CBFA2T3: variants seen among roughly 807,000 people sequenced by gnomAD.
CBFA2T3 encodes the protein transcriptional corepressor CBFA2T3.
Under a neutral mutation model 58.6 loss-of-function variants are expected in CBFA2T3, and 31 were observed. The observed-to-expected ratio is 0.53, with a 90% CI of 0.40 to 0.71. The LOEUF (loss-of-function observed/expected upper bound fraction) is 0.71, where lower values mean the gene tolerates loss of function less well. CBFA2T3 is among the 30% of genes least tolerant of loss of function. The pLI, the probability that CBFA2T3 is intolerant of heterozygous loss-of-function variation, is 0.00. For synonymous variants in CBFA2T3, 531 were observed against 421.9 expected, an observed-to-expected ratio of 1.26 and a Z score of -3.17; for missense variants, 1,076 against 963.1, an observed-to-expected ratio of 1.12 and a Z score of -1.55.
At chr16:88,975,112 G>GC (rs1555546812) in intron 1 of CBFA2T3, among the ~76,000 whole-genome samples, 5 of 46,304 alleles carry the variant, frequency 1.1e-4, no homozygotes, top group East Asian at 1.1e-3. Context: ...TGTGTTAGAG[G>GC]CCACCCTGGC....
intron 11 of CBFA2T3, among the ~76,000 whole-genome samples, chr16:88,877,910 G>A (rs560663625): frequency 6.6e-6 from 1 of 152,320 alleles, no homozygotes; most frequent in African/African-American, 2.4e-5. Flanking sequence ...CTGTGGGGTG[G>A]GAAGCCCAAA....
chr16:88,915,278 G>T (rs1163374520), intron 1 of CBFA2T3, among the ~76,000 whole-genome samples: 1 of 128,408 alleles, frequency 7.8e-6, no homozygotes, highest in Non-Finnish European at 1.7e-5. Flanking sequence ...TCGCGGGGTG[G>T]GGAAACTGGT....
At chr16:88,957,679 A>G (rs939502720) in intron 1 of CBFA2T3, 3 of 152,312 alleles carry the variant, frequency 2.0e-5, no homozygotes, top group Non-Finnish European at 4.4e-5. Flanking sequence ...GTGCACACTT[A>G]TTCAGACATA....
rs1968854421 is a variant in CBFA2T3 at position 88,876,950 on chromosome 16, G to C, written c.*26C>G. On this transcript the variant is annotated 3_prime_UTR_variant, in exon 12 of 12. Coordinates refer to ENST00000268679, the MANE Select transcript of CBFA2T3 (RefSeq NM_005187.6). ...CTGGGTGGGGTTGGCACGGTGCTGT[G>C]TCCGGCAGGCCAGGGGCCAGTGGGG... The C allele has an allele frequency of 7.1e-7, 1 of 1,407,460 alleles. No homozygotes were observed. The allele number at this position is 1,407,460 out of a possible 1,614,324, so 87.2% of individuals were successfully genotyped here.
chr16:88,949,002 G>A (rs1271399931), intron 1 of CBFA2T3, among the ~76,000 whole-genome samples: 1 of 152,194 alleles, frequency 6.6e-6, no homozygotes, highest in Non-Finnish European at 1.5e-5. Context: ...ATGGTGTCAG[G>A]ACAACTGCCC....
At chr16:88,909,983 C>T (rs536962862) in intron 1 of CBFA2T3, among the ~76,000 whole-genome samples, 4 of 152,234 alleles carry the variant, frequency 2.6e-5, no homozygotes, top group Middle Eastern at 3.4e-3. Context: ...GAGCTGTCCA[C>T]GGCGGCTCCC....
At chr16:88,929,018 G>A (rs538184130) in intron 1 of CBFA2T3, among the ~76,000 whole-genome samples, 31 of 152,318 alleles carry the variant, frequency 2.0e-4, no homozygotes, top group South Asian at 4.1e-4. Flanking sequence ...CGAGGACCTC[G>A]GCTCCGTTCC....
chr16:88,956,799 C>T (rs994894682), intron 1 of CBFA2T3, among the ~76,000 whole-genome samples: 2 of 152,240 alleles, frequency 1.3e-5, no homozygotes, highest in Non-Finnish European at 2.9e-5. Context: ...AACTGGACCG[C>T]ATGGCCCTTG....
At chr16:88,925,999 C>T (rs749988752) in intron 1 of CBFA2T3, among the ~76,000 whole-genome samples, 4 of 152,244 alleles carry the variant, frequency 2.6e-5, no homozygotes, top group Non-Finnish European at 4.4e-5. Flanking sequence ...CGAACTGGCA[C>T]CATCTCTTCT....
Position 88,879,366 on chromosome 16 carries a change from C to T in CBFA2T3, c.1566G>A (p.Thr522=), listed in dbSNP as rs746135703. ...GGGCCCGCTCCATCTTGGCACGCTC[C>T]GTGGTGATGAGCTCGTGCGCTTTGC... ...AERKAHELIT[T]ERAKMERALA... The change falls in exon 11 of 12, where the codon ACG becomes ACA. Residue 522 remains threonine (T), a synonymous_variant. Transcript: ENST00000268679. The T allele has an allele frequency of 1.4e-5, 23 of 1,612,964 alleles. No individual in the cohort carries two copies. Among genetic ancestry groups the T allele is most frequent in the South Asian group, 3.3e-5 (3 of 91,086 alleles).
At chr16:88,877,402 C>G in intron 11 of CBFA2T3, 127 bp from the exon 12 acceptor site, 9 of 742,708 alleles carry the variant, frequency 1.2e-5, no homozygotes, top group South Asian at 7.5e-5. Context: ...CTCCAAAGCC[C>G]CACAGCCCTC....
intron 1 of CBFA2T3, among the ~76,000 whole-genome samples, chr16:88,905,761 A>G (rs369389544): frequency 3.0e-5 from 2 of 67,746 alleles, no homozygotes; most frequent in African/African-American, 6.0e-5. Flanking sequence ...GGGCTGAAGG[A>G]CGGTGGGGAT....
At chr16:88,890,929 G>C (rs989164596) in intron 5 of CBFA2T3, among the ~76,000 whole-genome samples, 1 of 152,138 alleles carries the variant, frequency 6.6e-6, no homozygotes, top group African/African-American at 2.4e-5. Context: ...GCCCAGGCTG[G>C]TCTTGAACTC....
At chr16:88,914,499 A>T (rs1970627807) in intron 1 of CBFA2T3, among the ~76,000 whole-genome samples, 1 of 152,362 alleles carries the variant, frequency 6.6e-6, no homozygotes, top group Admixed American at 6.5e-5. Context: ...TTGGAAATAA[A>T]AACACGCACA....
intron 5 of CBFA2T3, among the ~76,000 whole-genome samples, chr16:88,890,389 C>A (rs567184859): frequency 4.6e-5 from 7 of 152,216 alleles, no homozygotes; most frequent in African/African-American, 1.7e-4. Context: ...GTCCTCTGGA[C>A]CCCCGAGGGG....
chr16:88,967,398 G>A (rs1260643794), intron 1 of CBFA2T3, among the ~76,000 whole-genome samples: 3 of 151,602 alleles, frequency 2.0e-5, no homozygotes, highest in Admixed American at 1.3e-4. Flanking sequence ...GCCTGGGGAC[G>A]GCTTTCCACA....
intron 5 of CBFA2T3, among the ~76,000 whole-genome samples, chr16:88,887,481 G>A (rs925244659): frequency 3.9e-5 from 6 of 152,164 alleles, no homozygotes; most frequent in Admixed American, 2.0e-4. Context: ...GAGCCGGGGC[G>A]GTGGGTGGGG....
At chr16:88,888,776 G>A (rs1015124373) in intron 5 of CBFA2T3, among the ~76,000 whole-genome samples, 1 of 151,826 alleles carries the variant, frequency 6.6e-6, no homozygotes, top group East Asian at 1.9e-4. Flanking sequence ...GAGGTGAACA[G>A]ACTTCATGTC....
rs1193773507 is a variant in CBFA2T3 at position 88,875,075 on chromosome 16, G to A, written c.*1901C>T. The A allele has an allele frequency of 3.4e-5, 8 of 235,270 alleles. No individual in the cohort carries two copies. Among genetic ancestry groups the A allele is most frequent in the African/African-American group, 1.8e-4 (8 of 45,126 alleles). 14.6% of individuals were successfully genotyped at this position (235,270 alleles called of 1,614,324 possible). A position where few individuals can be genotyped will look rare whatever the true frequency, so the allele number is the denominator to read the frequency against. On this transcript the variant is annotated 3_prime_UTR_variant, in exon 12 of 12. Coordinates refer to ENST00000268679, the MANE Select transcript of CBFA2T3 (RefSeq NM_005187.6). ...CACGCACACAGATGCCAGGCCACGG[G>A]CCACGCCACGCGCACAGATGCCAGG...
Sources: gnomAD v4.1 joint callset for allele counts (sites outside exome capture counted in the v4.1 genomes callset) on GRCh38, gnomAD v4.1.1 for gene constraint, MANE v1.5 for transcripts, NCBI Gene and HGNC (gene_info 2026-07-23, HGNC 2026-07-21) for gene names.